The following PAX2 variants were observed in gnomAD, a reference collection of about 807,000 sequenced individuals.
The protein encoded by PAX2 is paired box 2.
In PAX2, 9 loss-of-function variants were observed where a neutral mutation model predicts 41.7. The ratio of observed to expected loss-of-function variants is 0.22; its 90% CI spans 0.13 to 0.38. The LOEUF (loss-of-function observed/expected upper bound fraction) is 0.38. PAX2 is among the 10% of genes least tolerant of loss of function. PAX2 has a pLI of 1.00. For missense variants in PAX2, 418 were observed against 531.6 expected, an observed-to-expected ratio of 0.79 and a Z score of 2.10; for synonymous variants, 221 against 212.7, an observed-to-expected ratio of 1.04 and a Z score of -0.34.
chr10:100,825,980 C>T (rs909644251), intron 8 of PAX2, among the ~76,000 whole-genome samples: 9 of 141,306 alleles, frequency 6.4e-5, no homozygotes, highest in African/African-American at 2.1e-4. Context: ...GGCAGGGAGT[C>T]TGCAGGGAGG....
intron 3 of PAX2, among the ~76,000 whole-genome samples, chr10:100,764,072 T>C (rs1845928268): frequency 6.6e-6 from 1 of 152,144 alleles, no homozygotes; most frequent in African/African-American, 2.4e-5. Flanking sequence ...ATCAAGTCTG[T>C]ATTTCTTGTT....
Position 100,827,748 on chromosome 10 carries a change from C to T in PAX2, c.*129C>T. On this transcript the variant is annotated 3_prime_UTR_variant, in exon 10 of 10. Coordinates refer to ENST00000355243, the MANE Select transcript of PAX2 (RefSeq NM_000278.5). This position sits in a 1 kb window ranked among gnomAD's most constrained non-coding sequence, Gnocchi z 8.5. ...CCTCCCGGCCACCGCCCCAGCCTCA[C>T]CCCATCCCACGACCCCCGCAACCCT... The T allele has an allele frequency of 9.5e-6, 14 of 1,473,708 alleles. No individual in the cohort carries two copies. The highest frequency in any genetic ancestry group is 1.2e-5 in the Non-Finnish European group (13 of 1,059,292). The allele number at this position is 1,473,708 out of a possible 1,614,324, so 91.3% of individuals were successfully genotyped here.
chr10:100,756,643 G>A (rs7909092), intron 3 of PAX2, among the ~76,000 whole-genome samples: 41,952 of 152,110 alleles, frequency 0.28, 6,955 homozygotes, highest in African/African-American at 0.45. Flanking sequence ...TGCATTTTCA[G>A]CTTACAATAT....
intron 3 of PAX2, among the ~76,000 whole-genome samples, chr10:100,779,292 C>T (rs1191447080): frequency 6.6e-6 from 1 of 152,186 alleles, no homozygotes; most frequent in Non-Finnish European, 1.5e-5. Flanking sequence ...TGCATTCACC[C>T]AGAGCTGCAT....
At chr10:100,795,132 C>A (rs1300954308) in intron 5 of PAX2, among the ~76,000 whole-genome samples, 10 of 152,204 alleles carry the variant, frequency 6.6e-5, no homozygotes, top group Non-Finnish European at 1.2e-4. Flanking sequence ...TTGTTTTCAT[C>A]TTGTCCATTA....
intron 7 of PAX2, among the ~76,000 whole-genome samples, chr10:100,813,009 G>A (rs1456088991): frequency 6.6e-6 from 1 of 152,234 alleles, no homozygotes; most frequent in African/African-American, 2.4e-5. Flanking sequence ...CTAACACTAA[G>A]ATAGCTGATG....
At chr10:100,778,141 A>G (rs1191103712) in intron 3 of PAX2, among the ~76,000 whole-genome samples, 1 of 152,214 alleles carries the variant, frequency 6.6e-6, no homozygotes, top group East Asian at 1.9e-4. Context: ...AGAAGTTGAG[A>G]GGTGAGACCA....
chr10:100,818,002 T>C (rs888211054), intron 7 of PAX2, among the ~76,000 whole-genome samples: 7 of 152,222 alleles, frequency 4.6e-5, no homozygotes, highest in Admixed American at 3.3e-4. Flanking sequence ...TTAATAACTG[T>C]GTATTTTTGT....
At chr10:100,800,078 G>A (rs1052664876) in intron 5 of PAX2, among the ~76,000 whole-genome samples, 3 of 151,772 alleles carry the variant, frequency 2.0e-5, no homozygotes, top group South Asian at 2.1e-4. Flanking sequence ...GAGCCACCGC[G>A]CCCGGCCAAA....
rs1407396187 is a variant in PAX2, at chr10:100,817,362, A to G, written c.920-7286A>G. ...CCCTTTGAAAATGTGATTCTCCCCA[A>G]CATTCCCTGGTGTTATCCTAGGATG... On this transcript the variant is annotated intron_variant, in intron 7 of 9. Coordinates refer to ENST00000355243, the MANE Select transcript of PAX2 (RefSeq NM_000278.5). Among the ~76,000 whole-genome samples, 4 of 152,188 alleles carry G rather than the reference A, an allele frequency of 2.6e-5. No individual in the cohort carries two copies. The East Asian group carries it at 7.7e-4, about 29-fold the overall frequency.
intron 5 of PAX2, among the ~76,000 whole-genome samples, chr10:100,800,603 C>T (rs1343517476): frequency 6.6e-6 from 1 of 152,142 alleles, no homozygotes; most frequent in African/African-American, 2.4e-5. Flanking sequence ...ATTACCACCA[C>T]CCCCAACTGT....
chr10:100,813,461 A>C (rs1848070491), intron 7 of PAX2, among the ~76,000 whole-genome samples: 1 of 152,252 alleles, frequency 6.6e-6, no homozygotes, highest in Non-Finnish European at 1.5e-5. Context: ...CTGGCATCAC[A>C]CTGGAGGGAG....
chr10:100,751,051 G>A (rs1200460758), intron 3 of PAX2, among the ~76,000 whole-genome samples, 160 bp downstream of exon 3: 3 of 152,162 alleles, frequency 2.0e-5, no homozygotes, highest in Non-Finnish European at 4.4e-5. Context: ...CTGTGAGGCA[G>A]AGAGTTAGAC....
rs57344749 is a variant in PAX2 at position 100,737,273 on chromosome 10, G to A, written c.25+1540G>A. On this transcript the variant is annotated intron_variant, in intron 1 of 9. Coordinates refer to the PAX2 transcript ENST00000679374. ...GACCTCGGGAAAGAGAAGGCAGTGT[G>A]ATGGGGAGCATCCTTGAGTGCCTGT... Among the ~76,000 whole-genome samples the A allele has an allele frequency of 3.9e-3, 596 of 152,332 alleles. 6 individuals are homozygous for A. The highest frequency in any genetic ancestry group is 0.014 in the African/African-American group (568 of 41,574).
At position 100,826,980 on chromosome 10, in the gene PAX2, C is replaced by T; in HGVS notation, c.1022-29C>T. 6.5e-7 allele frequency: 1 copy of T among 1,543,524 alleles called. No homozygotes were observed. On this transcript the variant is annotated intron_variant, in intron 8 of 9. Transcript: ENST00000355243. The surrounding 1 kb of genome is among the most constrained non-coding windows in gnomAD (Gnocchi z 5.5). ...GGGGTCCGCCCTGGCTTGCAGGCGT[C>T]TGATCCCCACTCCCCGACCCTCCCG...
Position 100,748,098 on chromosome 10 carries a change from A to G in PAX2, c.44-1648A>G. On this transcript the variant is annotated intron_variant, in intron 1 of 9. Transcript: ENST00000355243. The surrounding 1 kb of genome is among the most constrained non-coding windows in gnomAD (Gnocchi z 5.0). The stretch of plus-strand genomic sequence containing the variant: ...GCCCGACTCAGCGCCGACTCGCTGC[A>G]GTCCCCCAGCCCTGGACTCCCGCCG... The G allele has an allele frequency of 2.0e-6, 2 of 985,036 alleles. No homozygotes were observed. Among genetic ancestry groups the G allele is most frequent in the Non-Finnish European group, 2.4e-6 (2 of 829,894 alleles). 61.0% of individuals were successfully genotyped at this position (985,036 alleles called of 1,614,324 possible).
At chr10:100,805,507 C>T (rs1276935196) in intron 5 of PAX2, among the ~76,000 whole-genome samples, 1 of 152,136 alleles carries the variant, frequency 6.6e-6, no homozygotes, top group South Asian at 2.1e-4. Context: ...CTACTGTACA[C>T]CTTGAAAACT....
At chr10:100,781,392 TC>T (rs771549895) in intron 5 of PAX2, 27 bp downstream of exon 5, 8 of 1,613,384 alleles carry the variant, frequency 5.0e-6, no homozygotes, top group Non-Finnish European at 6.8e-6. Context: ...AGGTGTGGCT[TC>T]CCCTTCACAT....
intron 5 of PAX2, among the ~76,000 whole-genome samples, chr10:100,785,936 A>G (rs1371661562): frequency 6.6e-6 from 1 of 152,202 alleles, no homozygotes; most frequent in African/African-American, 2.4e-5. Context: ...CCTCTGTAAA[A>G]TGAAGATGGT....
Sources: gnomAD v4.1 joint callset for allele counts (sites outside exome capture counted in the v4.1 genomes callset) on GRCh38, gnomAD v4.1.1 for gene constraint, Gnocchi (gnomAD v3.1) non-coding constraint, MANE v1.5 for transcripts, NCBI Gene and HGNC (gene_info 2026-07-23, HGNC 2026-07-21) for gene names.